Variants in BNC2 observed in about 807,000 individuals in gnomAD.
The protein encoded by BNC2 is basonuclin zinc finger protein 2.
Under a neutral mutation model 76.3 loss-of-function variants are expected in BNC2, and 20 were observed. The observed-to-expected ratio is 0.26, with a 90% CI of 0.18 to 0.38. BNC2 has a LOEUF of 0.38. Ranked by LOEUF, BNC2 falls within the 10% of genes least tolerant of loss-of-function variation. The probability of loss-of-function intolerance (pLI) is 1.00; values close to 1 mark genes in which losing one functional copy is unlikely to be tolerated. For missense variants in BNC2, 1,382 were observed against 1,399.8 expected, an observed-to-expected ratio of 0.99 and a Z score of 0.20; for synonymous variants, 582 against 514.8, an observed-to-expected ratio of 1.13 and a Z score of -1.77.
chr9:16,570,267 T>A (rs1587184099), intron 4 of BNC2, among the ~76,000 whole-genome samples: 1 of 152,176 alleles, frequency 6.6e-6, no homozygotes, highest in South Asian at 2.1e-4. Context: ...TAGGGAAATA[T>A]CTAAAAGAAA....
chr9:16,445,731 T>C (rs1434005901), intron 5 of BNC2, among the ~76,000 whole-genome samples: 3 of 152,194 alleles, frequency 2.0e-5, no homozygotes, highest in Non-Finnish European at 4.4e-5. Flanking sequence ...GACTGGACTT[T>C]ACTTGTTAAC....
intron 5 of BNC2, among the ~76,000 whole-genome samples, chr9:16,533,282 G>T (rs1034400193): frequency 1.3e-5 from 2 of 152,070 alleles, no homozygotes; most frequent in African/African-American, 4.8e-5. Flanking sequence ...CATGCCTCTG[G>T]AAACAAACAC....
At chr9:16,534,261 G>A (rs1818066748) in intron 5 of BNC2, among the ~76,000 whole-genome samples, 4 of 152,054 alleles carry the variant, frequency 2.6e-5, no homozygotes, top group Admixed American at 2.6e-4. Context: ...CCCTGTTTTA[G>A]TTTTACAGTA....
At chr9:16,638,536 C>T (rs1821394401) in intron 3 of BNC2, among the ~76,000 whole-genome samples, 1 of 152,142 alleles carries the variant, frequency 6.6e-6, no homozygotes, top group Non-Finnish European at 1.5e-5. Context: ...TTTTCCTACA[C>T]ATGATTCTTC....
rs113768891 is a variant in BNC2 at position 16,483,560 on chromosome 9, T to A, written c.670-46036A>T. On this transcript the variant is annotated intron_variant, in intron 5 of 6. Transcript: ENST00000380672. ...GGTATACACAGTATATGCCATGAAA[T>A]AGGAGGAAGCCATAAATCTCCAGAG... Among the ~76,000 whole-genome samples, 1,225 of 152,276 alleles carry A rather than the reference T, an allele frequency of 8.0e-3. 26 individuals are homozygous for A. Among genetic ancestry groups the A allele is most frequent in the African/African-American group, 0.028 (1,144 of 41,554 alleles).
At chr9:16,865,331 G>C (rs1345479887) in intron 1 of BNC2, among the ~76,000 whole-genome samples, 1 of 152,026 alleles carries the variant, frequency 6.6e-6, no homozygotes, top group East Asian at 1.9e-4. Context: ...AAGAATTCCT[G>C]ATACTCATCT....
intron 5 of BNC2, among the ~76,000 whole-genome samples, chr9:16,455,922 T>C (rs557971691): frequency 3.3e-5 from 5 of 152,328 alleles, no homozygotes; most frequent in African/African-American, 7.2e-5. Flanking sequence ...AATGGTTCCA[T>C]GGAATAAAAA....
intron 3 of BNC2, among the ~76,000 whole-genome samples, chr9:16,619,833 G>C (rs575694129): frequency 2.0e-5 from 3 of 152,244 alleles, no homozygotes; most frequent in Admixed American, 6.5e-5. Context: ...ATGCATGGGG[G>C]AAAGGGGATT....
intron 5 of BNC2, among the ~76,000 whole-genome samples, chr9:16,480,341 G>A (rs976776706): frequency 5.9e-5 from 9 of 152,330 alleles, no homozygotes; most frequent in Non-Finnish European, 1.2e-4. Flanking sequence ...AGGTGACAGC[G>A]TGCTGGCAGT....
At chr9:16,524,739 T>C (rs1817739850) in intron 5 of BNC2, among the ~76,000 whole-genome samples, 1 of 152,112 alleles carries the variant, frequency 6.6e-6, no homozygotes, top group Non-Finnish European at 1.5e-5. Flanking sequence ...TTTATTACCT[T>C]AAGAAAATAA....
At chr9:16,523,821 G>T (rs1456190068) in intron 5 of BNC2, among the ~76,000 whole-genome samples, 5 of 152,118 alleles carry the variant, frequency 3.3e-5, no homozygotes, top group Non-Finnish European at 7.3e-5. Context: ...AGCTACTTGG[G>T]AGGCTGAGGC....
chr9:16,694,597 T>G (rs1823280110), intron 3 of BNC2, among the ~76,000 whole-genome samples: 1 of 152,160 alleles, frequency 6.6e-6, no homozygotes, highest in African/African-American at 2.4e-5. Context: ...GGGGAGCCTT[T>G]ACCTTCTGCC....
At chr9:16,435,228 C>T (rs954142783) in intron 6 of BNC2, 12 of 397,104 alleles carry the variant, frequency 3.0e-5, no homozygotes, top group African/African-American at 1.2e-4. Context: ...TGAAGGTTCA[C>T]GGGGAAGCAG....
intron 5 of BNC2, among the ~76,000 whole-genome samples, chr9:16,472,399 G>A (rs1821844605): frequency 1.3e-5 from 2 of 152,156 alleles, no homozygotes; most frequent in Admixed American, 1.3e-4. Flanking sequence ...TGGAAATTAG[G>A]AAAAACTGAG....
intron 1 of BNC2, among the ~76,000 whole-genome samples, chr9:16,812,342 G>T (rs1818074357): frequency 6.6e-6 from 1 of 152,228 alleles, no homozygotes; most frequent in South Asian, 2.1e-4. Context: ...ATCTGCCTAT[G>T]TTAAAACACT....
At chr9:16,760,748 G>C (rs956878139) in intron 1 of BNC2, among the ~76,000 whole-genome samples, 1 of 152,130 alleles carries the variant, frequency 6.6e-6, no homozygotes, top group African/African-American at 2.4e-5. Flanking sequence ...TCTAACCACA[G>C]AGAAGGTGGC....
At chr9:16,654,196 T>C (rs958077323) in intron 3 of BNC2, among the ~76,000 whole-genome samples, 3 of 152,198 alleles carry the variant, frequency 2.0e-5, no homozygotes, top group African/African-American at 4.8e-5. Context: ...GTATTTTTTG[T>C]CCTCTCTTTT....
At chr9:16,525,866 CCA>C (rs1817784066) in intron 5 of BNC2, among the ~76,000 whole-genome samples, 1 of 152,164 alleles carries the variant, frequency 6.6e-6, no homozygotes, top group South Asian at 2.1e-4. Context: ...TTACTTTCAA[CCA>C]CAGTCCTTTA....
At position 16,658,350 on chromosome 9, in the gene BNC2, A is replaced by C. The variant is rs377290788; in HGVS notation, c.330+69447T>G. On this transcript the variant is annotated intron_variant, in intron 3 of 6. Transcript: ENST00000380672. ...AGGGAGAGGGGGAAAAAAGAAAACAAAACTTTAAACAGCCCAGTATATTTT... is the reference window on the plus strand; with the variant it reads ...AGGGAGAGGGGGAAAAAAGAAAACACAACTTTAAACAGCCCAGTATATTTT... 1.0e-3 allele frequency among the ~76,000 whole-genome samples: 153 copies of C among 152,278 alleles called. 3 individuals carry two copies. In the South Asian group the frequency reaches 0.03, roughly 30 times the overall value.
Sources: allele counts gnomAD v4.1 joint callset (sites outside exome capture counted in the v4.1 genomes callset), GRCh38; gene constraint gnomAD v4.1.1; transcripts MANE v1.5; gene names NCBI Gene and HGNC (gene_info 2026-07-23, HGNC 2026-07-21).